PARD3: variants seen among roughly 807,000 people sequenced by gnomAD.
PARD3 encodes the protein par-3 family cell polarity regulator, also known as partitioning defective 3 homolog.
A neutral mutation model predicts 155.4 loss-of-function variants in PARD3; 75 were observed. The observed-to-expected ratio is 0.48, with a 90% CI of 0.40 to 0.58. The LOEUF (loss-of-function observed/expected upper bound fraction) is 0.58. PARD3 is among the 20% of genes least tolerant of loss of function. PARD3 has a pLI of 0.00. For synonymous variants in PARD3, 576 were observed against 610.5 expected (o/e 0.94, Z 0.83); for missense variants, 1,642 against 1,721.7 (o/e 0.95, Z 0.82).
intron 3 of PARD3, among the ~76,000 whole-genome samples, chr10:34,487,910 T>G (rs2079580310): frequency 6.6e-6 from 1 of 152,262 alleles, no homozygotes; most frequent in Admixed American, 6.5e-5. Flanking sequence ...AGATATTCTC[T>G]AAATGCTCAA....
At chr10:34,454,682 G>A (rs912690777) in intron 4 of PARD3, among the ~76,000 whole-genome samples, 2 of 152,064 alleles carry the variant, frequency 1.3e-5, no homozygotes, top group African/African-American at 2.4e-5. Flanking sequence ...CTCCACTTAT[G>A]AGGCTGCCCC....
intron 19 of PARD3, among the ~76,000 whole-genome samples, chr10:34,321,053 T>C (rs1589166614): frequency 6.6e-6 from 1 of 152,220 alleles, no homozygotes. Flanking sequence ...TGCAGAAATA[T>C]TGTAGTTTCA....
intron 2 of PARD3, among the ~76,000 whole-genome samples, chr10:34,609,299 A>C (rs1288157911): frequency 2.0e-5 from 3 of 152,348 alleles, no homozygotes; most frequent in East Asian, 3.9e-4. Context: ...CTCTGTCAAA[A>C]GCAGGCCAAA....
chr10:34,442,868 C>A (rs569452996), intron 5 of PARD3, among the ~76,000 whole-genome samples: 2 of 152,244 alleles, frequency 1.3e-5, no homozygotes, highest in African/African-American at 4.8e-5. Flanking sequence ...AAGAACCCAG[C>A]CTCTTAAAGA....
chr10:34,528,181 T>C (rs1220968729), intron 2 of PARD3, among the ~76,000 whole-genome samples: 1 of 152,224 alleles, frequency 6.6e-6, no homozygotes, highest in Non-Finnish European at 1.5e-5. Context: ...ATTGCTTTAA[T>C]ACTGAAATTT....
At chr10:34,482,280 C>G (rs1453040569) in intron 3 of PARD3, among the ~76,000 whole-genome samples, 1 of 152,066 alleles carries the variant, frequency 6.6e-6, no homozygotes, top group Non-Finnish European at 1.5e-5. Flanking sequence ...AGTTATCCTC[C>G]CGCCTCAGCC....
At chr10:34,638,890 T>C (rs1168452679) in intron 2 of PARD3, among the ~76,000 whole-genome samples, 1 of 152,212 alleles carries the variant, frequency 6.6e-6, no homozygotes, top group Non-Finnish European at 1.5e-5. Flanking sequence ...GTATGATTTA[T>C]AGTTCTCTCT....
intron 5 of PARD3, among the ~76,000 whole-genome samples, chr10:34,413,112 G>GA (rs1309415881): frequency 2.1e-5 from 3 of 142,018 alleles, no homozygotes; most frequent in Admixed American, 7.0e-5. Flanking sequence ...TTTCTCTCTT[G>GA]AAAAAACATT....
chr10:34,643,089 T>TC (rs2092729231), intron 2 of PARD3, among the ~76,000 whole-genome samples: 2 of 152,022 alleles, frequency 1.3e-5, no homozygotes, highest in South Asian at 4.2e-4. Context: ...GCACCATCAA[T>TC]CCCCCCACAA....
intron 5 of PARD3, among the ~76,000 whole-genome samples, chr10:34,446,203 A>T (rs2076730746): frequency 6.6e-6 from 1 of 152,210 alleles, no homozygotes; most frequent in African/African-American, 2.4e-5. Context: ...GGTGGCCTTC[A>T]GGAAGGCTCC....
intron 12 of PARD3, among the ~76,000 whole-genome samples, chr10:34,366,246 A>T (rs1839955416): frequency 6.6e-6 from 1 of 152,218 alleles, no homozygotes; most frequent in African/African-American, 2.4e-5. Flanking sequence ...ACGGTATCCC[A>T]TAAATTAGAT....
intron 1 of PARD3, among the ~76,000 whole-genome samples, chr10:34,737,944 A>G (rs2094944933): frequency 6.6e-6 from 1 of 152,218 alleles, no homozygotes; most frequent in African/African-American, 2.4e-5. Flanking sequence ...GAATGCCCAC[A>G]GCAAAGGGCC....
chr10:34,254,188 T>C (rs748481737), intron 22 of PARD3, among the ~76,000 whole-genome samples: 1 of 152,146 alleles, frequency 6.6e-6, no homozygotes, highest in South Asian at 2.1e-4. Flanking sequence ...GAGACCAGCC[T>C]GGCCAACATG....
At chr10:34,140,650 G>GT in intron 22 of PARD3, among the ~76,000 whole-genome samples, 1 of 152,202 alleles carries the variant, frequency 6.6e-6, no homozygotes, top group Non-Finnish European at 1.5e-5. Context: ...ACCAAGAAAT[G>GT]TATCAATTAT....
chr10:34,144,374 T>C (rs1948354588), intron 22 of PARD3, among the ~76,000 whole-genome samples: 1 of 152,238 alleles, frequency 6.6e-6, no homozygotes, highest in Admixed American at 6.5e-5. Context: ...ATGACATTTC[T>C]TTTTAACTCA....
chr10:34,439,326 A>C (rs2076344802), intron 5 of PARD3, among the ~76,000 whole-genome samples: 1 of 152,158 alleles, frequency 6.6e-6, no homozygotes, highest in Non-Finnish European at 1.5e-5. Flanking sequence ...TCAAAGGGTT[A>C]AACTTAATTC....
chr10:34,161,171 G>C (rs897770335), intron 22 of PARD3, among the ~76,000 whole-genome samples: 2 of 151,696 alleles, frequency 1.3e-5, no homozygotes, highest in African/African-American at 4.8e-5. Context: ...CTTGAGCCCA[G>C]GAGGCTGAGA....
intron 5 of PARD3, among the ~76,000 whole-genome samples, chr10:34,402,438 G>A (rs1241179799): frequency 6.6e-6 from 1 of 152,128 alleles, no homozygotes; most frequent in East Asian, 1.9e-4. Flanking sequence ...AAAAGGAACA[G>A]GCAGTGGTAT....
intron 3 of PARD3, among the ~76,000 whole-genome samples, chr10:34,480,371 A>G (rs2078997284): frequency 6.6e-6 from 1 of 152,148 alleles, no homozygotes; most frequent in Non-Finnish European, 1.5e-5. Context: ...AGTAACTGAG[A>G]CTATAGGTGG....
Sources: gnomAD v4.1 joint callset for allele counts (sites outside exome capture counted in the v4.1 genomes callset) on GRCh38, gnomAD v4.1.1 for gene constraint, MANE v1.5 for transcripts, NCBI Gene and HGNC (gene_info 2026-07-23, HGNC 2026-07-21) for gene names.